The following CADM2 variants were observed in gnomAD, a reference collection of about 807,000 sequenced individuals.
The protein encoded by CADM2 is cell adhesion molecule 2, also known as immunoglobulin superfamily member 4D.
A neutral mutation model predicts 49.8 loss-of-function variants in CADM2; 12 were observed. The observed-to-expected ratio is 0.24, with a 90% CI of 0.15 to 0.39. The LOEUF (loss-of-function observed/expected upper bound fraction) is 0.39. Ranked by LOEUF, CADM2 falls within the 10% of genes least tolerant of loss-of-function variation. The pLI, the probability that CADM2 is intolerant of heterozygous loss-of-function variation, is 1.00. For missense variants in CADM2, 378 were observed against 492.3 expected (o/e 0.77, Z 2.20); for synonymous variants, 214 against 175.4 (o/e 1.22, Z -1.74).
intron 8 of CADM2, among the ~76,000 whole-genome samples, chr3:86,033,847 A>T (rs1734844378): frequency 6.8e-6 from 1 of 147,788 alleles, no homozygotes; most frequent in African/African-American, 2.5e-5. Context: ...GATGATAATT[A>T]TATATTTATA....
chr3:85,000,068 A>G (rs907006661), intron 1 of CADM2, among the ~76,000 whole-genome samples: 2 of 151,532 alleles, frequency 1.3e-5, no homozygotes, highest in Non-Finnish European at 1.5e-5. Flanking sequence ...TCACAGGCAT[A>G]TTACTACTTT....
intron 1 of CADM2, among the ~76,000 whole-genome samples, chr3:85,341,565 TA>T (rs1275228569): frequency 6.6e-6 from 1 of 151,952 alleles, no homozygotes; most frequent in Non-Finnish European, 1.5e-5. Context: ...ATATCTAAGA[TA>T]AGAAATCAGT....
At chr3:85,191,810 A>G (rs987901660) in intron 1 of CADM2, among the ~76,000 whole-genome samples, 1 of 152,142 alleles carries the variant, frequency 6.6e-6, no homozygotes, top group Admixed American at 6.6e-5. Flanking sequence ...ATCAGATACA[A>G]TGTTTTGTTA....
At chr3:85,704,494 C>G (rs1232671416) in intron 1 of CADM2, among the ~76,000 whole-genome samples, 1 of 152,026 alleles carries the variant, frequency 6.6e-6, no homozygotes, top group Admixed American at 6.5e-5. Flanking sequence ...TATGGATGAC[C>G]ACTTTTCTCT....
intron 1 of CADM2, among the ~76,000 whole-genome samples, chr3:85,566,330 GA>G (rs2107207835): frequency 6.6e-6 from 1 of 151,850 alleles, no homozygotes; most frequent in East Asian, 1.9e-4. Context: ...TACTTTAAGT[GA>G]TTTTTTTTTT....
intron 1 of CADM2, among the ~76,000 whole-genome samples, chr3:85,613,031 GT>G: frequency 6.6e-6 from 1 of 151,636 alleles, no homozygotes; most frequent in East Asian, 1.9e-4. Flanking sequence ...TCACAGGTTG[GT>G]TGTGGCTTAA....
Position 85,552,366 on chromosome 3 carries a change from G to GTGTTTTTTTTTTTTTTTTT in CADM2, c.62-174155_62-174154insGTTTTTTTTTTTTTTTTTT, listed in dbSNP as rs2061828186. On this transcript the variant is annotated intron_variant, in intron 1 of 9. Coordinates refer to ENST00000383699, the MANE Select transcript of CADM2 (RefSeq NM_001167675.2). ...TAAAATAATTAAATCACTTTGAAAA[G>GTGTTTTTTTTTTTTTTTTT]TTTTTTTTTTTTTTTTTTTTTTTTT... is the stretch of plus-strand genomic sequence containing the variant. Among the ~76,000 whole-genome samples the GTGTTTTTTTTTTTTTTTTT allele has an allele frequency of 4.6e-5, 4 of 87,576 alleles. 1 individual carries two copies. The highest frequency in any genetic ancestry group is 1.4e-4 in the Admixed American group (1 of 7,096). The allele number at this position is 87,576 out of a possible 152,430, so 57.5% of individuals were successfully genotyped here.
At chr3:85,769,809 T>A (rs1180580859) in intron 2 of CADM2, among the ~76,000 whole-genome samples, 1 of 151,140 alleles carries the variant, frequency 6.6e-6, no homozygotes, top group African/African-American at 2.4e-5. Context: ...AAGTAGAAAA[T>A]ATAGTATTTT....
At chr3:85,726,849 C>T (rs1379406293) in intron 2 of CADM2, among the ~76,000 whole-genome samples, 2 of 151,840 alleles carry the variant, frequency 1.3e-5, no homozygotes, top group African/African-American at 4.8e-5. Flanking sequence ...ACCTTAGTTT[C>T]CTTGATAAAA....
At chr3:85,030,621 T>A (rs2034936136) in intron 1 of CADM2, among the ~76,000 whole-genome samples, 1 of 152,166 alleles carries the variant, frequency 6.6e-6, no homozygotes, top group African/African-American at 2.4e-5. Context: ...AACAGGATAT[T>A]CCTTGAATTC....
At chr3:85,682,442 A>G (rs1357270672) in intron 1 of CADM2, among the ~76,000 whole-genome samples, 2 of 152,130 alleles carry the variant, frequency 1.3e-5, no homozygotes, top group Non-Finnish European at 2.9e-5. Context: ...TATTCAGATT[A>G]TCTGTTGAGC....
intron 1 of CADM2, among the ~76,000 whole-genome samples, chr3:85,212,878 CTT>C (rs917854912): frequency 1.7e-5 from 2 of 119,456 alleles, no homozygotes; most frequent in African/African-American, 4.3e-5. Flanking sequence ...TTCTTTCTTT[CTT>C]TCTTTCTCTT....
At chr3:85,487,399 C>A (rs941879317) in intron 1 of CADM2, among the ~76,000 whole-genome samples, 2 of 152,024 alleles carry the variant, frequency 1.3e-5, no homozygotes, top group African/African-American at 4.8e-5. Flanking sequence ...GGTGGTGTGT[C>A]GTGTGCCTGT....
intron 1 of CADM2, among the ~76,000 whole-genome samples, chr3:85,178,152 A>C (rs896953907): frequency 2.6e-5 from 4 of 151,934 alleles, no homozygotes; most frequent in Non-Finnish European, 5.9e-5. Flanking sequence ...TAAATATAGA[A>C]GTCAGTTTTC....
chr3:85,946,183 C>T (rs904581805), intron 7 of CADM2, among the ~76,000 whole-genome samples: 1 of 151,928 alleles, frequency 6.6e-6, no homozygotes, highest in Non-Finnish European at 1.5e-5. Context: ...TTCACAATTG[C>T]TTCAAAAAGA....
At chr3:85,214,783 T>C (rs1209146506) in intron 1 of CADM2, among the ~76,000 whole-genome samples, 1 of 151,970 alleles carries the variant, frequency 6.6e-6, no homozygotes, top group East Asian at 2.0e-4. Context: ...TGATGTTCAC[T>C]CAAGGCCCAG....
chr3:85,898,965 T>A (rs1424238487), intron 5 of CADM2, among the ~76,000 whole-genome samples: 84 of 42,152 alleles, frequency 2.0e-3, no homozygotes, highest in Non-Finnish European at 2.7e-3. Context: ...ATTTTTTTTT[T>A]TTTTTTTTTT....
rs1213360020 is a variant in CADM2 at position 86,072,111 on chromosome 3, G to T, written c.*5328G>T. ...ATAGACATATTAAGAATTTTTCAATGATGTAATTTAATTATCCTAAAAGAA... is the reference window on the plus strand; with the variant it reads ...ATAGACATATTAAGAATTTTTCAATTATGTAATTTAATTATCCTAAAAGAA... On this transcript the variant is annotated 3_prime_UTR_variant, in exon 10 of 10. Coordinates refer to ENST00000383699, the MANE Select transcript of CADM2 (RefSeq NM_001167675.2). The T allele has an allele frequency of 6.6e-6, 1 of 151,716 alleles. No homozygotes were observed. The highest frequency in any genetic ancestry group is 2.4e-5 in the African/African-American group (1 of 41,374). The allele number at this position is 151,716 out of a possible 1,614,324, so 9.4% of individuals were successfully genotyped here. A position where few individuals can be genotyped will look rare whatever the true frequency, so the allele number is the denominator to read the frequency against.
chr3:85,154,012 A>G (rs1408095373), intron 1 of CADM2, among the ~76,000 whole-genome samples: 2 of 152,190 alleles, frequency 1.3e-5, no homozygotes, highest in Admixed American at 6.5e-5. Flanking sequence ...AAAAACTGGA[A>G]ACTCTAAAAA....
Sources: allele counts gnomAD v4.1 joint callset (sites outside exome capture counted in the v4.1 genomes callset), GRCh38; gene constraint gnomAD v4.1.1; transcripts MANE v1.5; gene names NCBI Gene and HGNC (gene_info 2026-07-23, HGNC 2026-07-21).